C8orf34: variants seen among roughly 807,000 people sequenced by gnomAD.
The protein encoded by C8orf34 is uncharacterized protein C8orf34.
Under a neutral mutation model 68.3 loss-of-function variants are expected in C8orf34, and 65 were observed. That is an observed-to-expected ratio of 0.95 (90% CI 0.78 to 1.17). The LOEUF (loss-of-function observed/expected upper bound fraction) is 1.17, where lower values mean the gene tolerates loss of function less well. Ranked by LOEUF, C8orf34 falls within the 50% of genes most tolerant of loss-of-function variation. C8orf34 has a pLI of 0.00. For synonymous variants in C8orf34, 244 were observed against 241.2 expected (o/e 1.01, Z -0.11); for missense variants, 664 against 655.4 (o/e 1.01, Z -0.14).
intron 7 of C8orf34, among the ~76,000 whole-genome samples, chr8:68,577,183 G>C (rs1816930391): frequency 6.6e-6 from 1 of 151,840 alleles, no homozygotes; most frequent in African/African-American, 2.4e-5. Flanking sequence ...ATTGCTAATT[G>C]AGAAAAAATA....
chr8:68,554,958 T>G (rs1012333490), intron 7 of C8orf34, among the ~76,000 whole-genome samples: 1 of 152,186 alleles, frequency 6.6e-6, no homozygotes, highest in Non-Finnish European at 1.5e-5. Context: ...GCTCTCTATT[T>G]GGTAGCTTTA....
chr8:68,754,876 G>A (rs903372614), intron 10 of C8orf34, among the ~76,000 whole-genome samples: 1 of 152,098 alleles, frequency 6.6e-6, no homozygotes, highest in Non-Finnish European at 1.5e-5. Context: ...ATTAACTTTG[G>A]TTAAACATAG....
Position 68,764,442 on chromosome 8 carries a change from GCA to G in C8orf34, c.1405-11956_1405-11955del, listed in dbSNP as rs1339200472. Among the ~76,000 whole-genome samples, 18 of 152,288 alleles carry G rather than the reference GCA, an allele frequency of 1.2e-4. No individual in the cohort carries two copies. In the East Asian group the frequency reaches 3.5e-3, roughly 29 times the overall value. On this transcript the variant is annotated intron_variant, in intron 10 of 13. Coordinates refer to ENST00000518698, the MANE Select transcript of C8orf34 (RefSeq NM_052958.4). ...TGTAGGAGAGAGCACTTCTACCAGT[GCA>G]GTCAGTGGGCAGGTTTTCTAATAGT...
chr8:68,401,178 A>G (rs1277956558), intron 1 of C8orf34, among the ~76,000 whole-genome samples: 2 of 151,014 alleles, frequency 1.3e-5, no homozygotes, highest in East Asian at 2.0e-4. Context: ...TCTCAGCTGA[A>G]TTATTACTGA....
At chr8:68,766,842 G>A (rs959210445) in intron 10 of C8orf34, among the ~76,000 whole-genome samples, 2 of 152,132 alleles carry the variant, frequency 1.3e-5, no homozygotes, top group African/African-American at 4.8e-5. Context: ...CAAATAAAAT[G>A]TATGGGTTAA....
At chr8:68,640,555 T>C in intron 8 of C8orf34, 44 bp downstream of exon 8, 2 of 1,554,950 alleles carry the variant, frequency 1.3e-6, no homozygotes, top group Non-Finnish European at 1.7e-6. Flanking sequence ...ATGATCTTGA[T>C]TTTTAAAATC....
At position 68,818,265 on chromosome 8, in the gene C8orf34, C is replaced by A. The variant is rs765814402; in HGVS notation, c.*19C>A. 2 of 1,611,592 alleles carry A rather than the reference C, an allele frequency of 1.2e-6. No homozygotes were observed. The highest frequency in any genetic ancestry group is 1.7e-6 in the Non-Finnish European group (2 of 1,178,480). On this transcript the variant is annotated 3_prime_UTR_variant, in exon 14 of 14. Coordinates refer to ENST00000518698, the MANE Select transcript of C8orf34 (RefSeq NM_052958.4). ...TTTGTGAAACAGAGAGAAGAAGTTG[C>A]AAGTGGTCCTTAAAGAAATGCAGTT...
chr8:68,735,928 C>T lies in C8orf34; in HGVS notation c.1404+14491C>T, dbSNP rs372513113. 4.7e-3 allele frequency among the ~76,000 whole-genome samples: 711 copies of T among 152,224 alleles called. 10 individuals are homozygous for T. Among genetic ancestry groups the T allele is most frequent in the African/African-American group, 0.016 (684 of 41,556 alleles). On this transcript the variant is annotated intron_variant, in intron 10 of 13. Coordinates refer to ENST00000518698, the MANE Select transcript of C8orf34 (RefSeq NM_052958.4). Reference sequence around the variant, plus strand: ...AAGGCTGATTCTAAAGAATGTAGTTCGTTTGTGACTTTAGGTTCAACAACA... The same window carrying T: ...AAGGCTGATTCTAAAGAATGTAGTTTGTTTGTGACTTTAGGTTCAACAACA...
At chr8:68,347,473 T>C (rs776140513) in intron 1 of C8orf34, among the ~76,000 whole-genome samples, 1 of 152,108 alleles carries the variant, frequency 6.6e-6, no homozygotes, top group Non-Finnish European at 1.5e-5. Context: ...CCTCTGGCCA[T>C]ATTCCCACTC....
intron 1 of C8orf34, among the ~76,000 whole-genome samples, chr8:68,353,000 A>C (rs929975948): frequency 2.6e-5 from 4 of 152,258 alleles, no homozygotes; most frequent in Non-Finnish European, 5.9e-5. Flanking sequence ...TATCTCTTGC[A>C]ACATAATGAA....
intron 11 of C8orf34, among the ~76,000 whole-genome samples, chr8:68,781,723 A>G (rs2978242): frequency 0.47 from 71,454 of 152,034 alleles, 19,487 homozygotes; most frequent in African/African-American, 0.76. Flanking sequence ...GCTCTATTCC[A>G]GGGAAAACCA....
intron 7 of C8orf34, among the ~76,000 whole-genome samples, chr8:68,602,898 C>G (rs548570078): frequency 1.3e-5 from 2 of 152,138 alleles, no homozygotes; most frequent in Admixed American, 6.5e-5. Flanking sequence ...ATGAGACCAC[C>G]CTTTTCCTGT....
intron 3 of C8orf34, among the ~76,000 whole-genome samples, chr8:68,460,177 C>G (rs929734860): frequency 6.6e-6 from 1 of 152,198 alleles, no homozygotes; most frequent in Non-Finnish European, 1.5e-5. Context: ...CCCACGGAGT[C>G]TCGCTGATTG....
At chr8:68,384,489 A>T (rs1196216830) in intron 1 of C8orf34, among the ~76,000 whole-genome samples, 2 of 152,228 alleles carry the variant, frequency 1.3e-5, no homozygotes, top group African/African-American at 4.8e-5. Flanking sequence ...ATAAAAGAAG[A>T]CAAGATTAAT....
rs934082465 is a variant in C8orf34, at chr8:68,616,974, G to C, written c.1106-23402G>C. 2.0e-5 allele frequency among the ~76,000 whole-genome samples: 3 copies of C among 152,168 alleles called. No homozygotes were observed. The East Asian group carries it at 5.8e-4, about 29-fold the overall frequency. On this transcript the variant is annotated intron_variant, in intron 7 of 13. Transcript: ENST00000518698. ...TTGCTTTATGAATCTGGGTGTTCCTGTATTGGGTGCATATATATTTAGGAT... is the reference window on the plus strand; with the variant it reads ...TTGCTTTATGAATCTGGGTGTTCCTCTATTGGGTGCATATATATTTAGGAT...
At chr8:68,742,521 T>A (rs4360279) in intron 10 of C8orf34, among the ~76,000 whole-genome samples, 144,529 of 152,328 alleles carry the variant, frequency 0.95, 68,634 homozygotes, top group East Asian at 1. Context: ...GTGTTCCAGG[T>A]TGGCTCTTGA....
chr8:68,460,171 C>T (rs555415657), intron 3 of C8orf34, among the ~76,000 whole-genome samples: 8 of 152,276 alleles, frequency 5.3e-5, no homozygotes, highest in Middle Eastern at 3.4e-3. Context: ...CCTACACCCA[C>T]GGAGTCTCGC....
Position 68,709,200 on chromosome 8 carries a change from A to G in C8orf34, c.1327+121A>G, listed in dbSNP as rs1585762706. 2.2e-5 allele frequency: 16 copies of G among 719,142 alleles called. No individual in the cohort carries two copies. The East Asian group carries it at 4.1e-4, about 18-fold the overall frequency. The allele number at this position is 719,142 out of a possible 1,614,324, so 44.5% of individuals were successfully genotyped here. A position where few individuals can be genotyped will look rare whatever the true frequency, so the allele number is the denominator to read the frequency against. On this transcript the variant is annotated intron_variant, in intron 9 of 13. Transcript: ENST00000518698. ...CATGAATTCACTGCAGCTGCACGTCACATATCTACCGCTGGCACACTCCTT... is the reference window on the plus strand; with the variant it reads ...CATGAATTCACTGCAGCTGCACGTCGCATATCTACCGCTGGCACACTCCTT...
chr8:68,710,758 G>A lies in C8orf34; in HGVS notation c.1327+1679G>A, dbSNP rs971803075. Among the ~76,000 whole-genome samples the A allele has an allele frequency of 5.3e-5, 8 of 152,260 alleles. No individual in the cohort carries two copies. The South Asian group carries it at 1.7e-3, about 32-fold the overall frequency. On this transcript the variant is annotated intron_variant, in intron 9 of 13. Coordinates refer to ENST00000518698, the MANE Select transcript of C8orf34 (RefSeq NM_052958.4). ...AGCTCTATGGCCCTGCCCACCACCT[G>A]AGAAACCTGAATACTTAACCAGGTG...
Sources: allele counts gnomAD v4.1 joint callset (sites outside exome capture counted in the v4.1 genomes callset), GRCh38; gene constraint gnomAD v4.1.1; transcripts MANE v1.5; gene names NCBI Gene and HGNC (gene_info 2026-07-23, HGNC 2026-07-21).